The following MAGI2 variants were observed in gnomAD, a reference collection of about 807,000 sequenced individuals.
The protein encoded by MAGI2 is membrane-associated guanylate kinase, WW and PDZ domain-containing protein 2.
In MAGI2, 35 loss-of-function variants were observed where a neutral mutation model predicts 133.3. That is an observed-to-expected ratio of 0.26 (90% CI 0.20 to 0.35). The LOEUF is 0.35. Among genes scored for constraint, MAGI2 ranks in the 10% least tolerant of loss-of-function variants. The pLI, the probability that MAGI2 is intolerant of heterozygous loss-of-function variation, is 1.00. For synonymous variants in MAGI2, 729 were observed against 710.6 expected, an observed-to-expected ratio of 1.03 and a Z score of -0.41; for missense variants, 1,636 against 1,863.4, an observed-to-expected ratio of 0.88 and a Z score of 2.25.
At chr7:78,516,985 T>C (rs1041178689) in intron 4 of MAGI2, among the ~76,000 whole-genome samples, 1 of 152,162 alleles carries the variant, frequency 6.6e-6, no homozygotes, top group Non-Finnish European at 1.5e-5. Context: ...TTAAGTGAAA[T>C]GTGTTGCATT....
intron 2 of MAGI2, among the ~76,000 whole-genome samples, chr7:78,926,371 G>C (rs1799693027): frequency 6.6e-6 from 1 of 152,110 alleles, no homozygotes; most frequent in African/African-American, 2.4e-5. Context: ...TTCCTCCTGA[G>C]TTCAAAGAAT....
chr7:78,745,950 G>T (rs1351213052), intron 2 of MAGI2, among the ~76,000 whole-genome samples: 2 of 152,104 alleles, frequency 1.3e-5, no homozygotes, highest in African/African-American at 4.8e-5. Flanking sequence ...ATACTGTCTT[G>T]TCAGGAGTAA....
Position 78,125,724 on chromosome 7 carries a change from A to C in MAGI2, c.3537T>G (p.Asp1179Glu). Residue 1179 changes from aspartate (D) to glutamate (E), a missense_variant, in exon 20 of 22, where the codon GAT becomes GAG. Around this residue, in one of 5 missense-constraint regions of MAGI2, gnomAD observed 49 missense variants for 103.8 expected, o/e 0.47. Transcript: ENST00000354212. ...TCCTCCCATTCCTTATTGCTGGTCCATCTTCTGCCAGTCTCAACACATACA... is the reference window on the plus strand; with the variant it reads ...TCCTCCCATTCCTTATTGCTGGTCCCTCTTCTGCCAGTCTCAACACATACA... ...MDLYVLRLAE[D>E]GPAIRNGRMR... is the part of the protein sequence containing the mutation. 6.2e-7 allele frequency: 1 copy of C among 1,614,144 alleles called. No individual in the cohort carries two copies. The highest frequency in any genetic ancestry group is 8.5e-7 in the Non-Finnish European group (1 of 1,179,976).
At chr7:78,357,654 T>C (rs1792228011) in intron 7 of MAGI2, among the ~76,000 whole-genome samples, 1 of 152,194 alleles carries the variant, frequency 6.6e-6, no homozygotes, top group South Asian at 2.1e-4. Context: ...ACTCAACAAG[T>C]AGTGCTTAAT....
At chr7:79,127,894 T>C (rs1392259889) in intron 1 of MAGI2, among the ~76,000 whole-genome samples, 2 of 152,192 alleles carry the variant, frequency 1.3e-5, no homozygotes, top group South Asian at 4.1e-4. Flanking sequence ...TCCTGAATGG[T>C]ATTGCCTAGG....
intron 6 of MAGI2, among the ~76,000 whole-genome samples, chr7:78,477,242 T>TA (rs1261978127): frequency 6.6e-6 from 1 of 151,994 alleles, no homozygotes; most frequent in Non-Finnish European, 1.5e-5. Flanking sequence ...ATTTAGCACT[T>TA]ACAGAGATTG....
chr7:78,852,568 GGAGA>G (rs1793236579), intron 2 of MAGI2, among the ~76,000 whole-genome samples: 1 of 151,932 alleles, frequency 6.6e-6, no homozygotes, highest in Non-Finnish European at 1.5e-5. Flanking sequence ...TGTACAGAAG[GGAGA>G]GATTCAATTT....
At chr7:79,088,589 G>A (rs1186013933) in intron 1 of MAGI2, among the ~76,000 whole-genome samples, 1 of 152,030 alleles carries the variant, frequency 6.6e-6, no homozygotes, top group Non-Finnish European at 1.5e-5. Flanking sequence ...TCTTGTGCTG[G>A]TTTTCAAAGA....
intron 21 of MAGI2, among the ~76,000 whole-genome samples, chr7:78,044,704 TGCAC>T (rs1270707158): frequency 3.3e-5 from 4 of 121,166 alleles, no homozygotes; most frequent in Non-Finnish European, 3.5e-5. Flanking sequence ...TGTGTGTGTG[TGCAC>T]GTGTGCACAC....
intron 3 of MAGI2, among the ~76,000 whole-genome samples, chr7:78,608,246 C>T (rs1474755980): frequency 6.6e-6 from 1 of 151,906 alleles, no homozygotes; most frequent in Non-Finnish European, 1.5e-5. Context: ...ATAGCATAAC[C>T]CTTCAAATCA....
At chr7:78,945,826 A>G (rs1368475422) in intron 2 of MAGI2, among the ~76,000 whole-genome samples, 1 of 152,158 alleles carries the variant, frequency 6.6e-6, no homozygotes, top group Non-Finnish European at 1.5e-5. Flanking sequence ...AATAAACTCT[A>G]CATCCTCAAA....
At position 78,506,651 on chromosome 7, in the gene MAGI2, A is replaced by G. The variant is rs114555485; in HGVS notation, c.755-4864T>C. Among the ~76,000 whole-genome samples the G allele has an allele frequency of 8.7e-3, 1,324 of 152,352 alleles. 14 individuals are homozygous for G. Among genetic ancestry groups the G allele is most frequent in the African/African-American group, 0.031 (1,281 of 41,586 alleles). On this transcript the variant is annotated intron_variant, in intron 4 of 21. Transcript: ENST00000354212. ...GAAGACAAGACACTTAACTGTGGCC[A>G]AAGCTTCTGCACAGTCCAGCAAGAC... is the stretch of plus-strand genomic sequence containing the variant.
chr7:79,317,982 C>T (rs1199277000), intron 1 of MAGI2, among the ~76,000 whole-genome samples: 3 of 152,112 alleles, frequency 2.0e-5, no homozygotes, highest in Non-Finnish European at 2.9e-5. Flanking sequence ...ATTGATCACT[C>T]CCTCTGCCTC....
intron 6 of MAGI2, among the ~76,000 whole-genome samples, chr7:78,459,484 G>A (rs549316363): frequency 1.3e-5 from 2 of 152,142 alleles, no homozygotes; most frequent in African/African-American, 4.8e-5. Flanking sequence ...TAAGAGCAAA[G>A]GTATTTTCAA....
intron 2 of MAGI2, among the ~76,000 whole-genome samples, chr7:78,770,654 A>C (rs1369013325): frequency 1.3e-5 from 2 of 152,200 alleles, no homozygotes; most frequent in Non-Finnish European, 2.9e-5. Flanking sequence ...ATTAAACAAA[A>C]GCTCCGCAAA....
chr7:78,532,233 G>A (rs1797531316), intron 3 of MAGI2, among the ~76,000 whole-genome samples: 1 of 152,166 alleles, frequency 6.6e-6, no homozygotes, highest in South Asian at 2.1e-4. Flanking sequence ...AAGGACAACA[G>A]GTTTTCTTTT....
At chr7:78,175,629 G>C (rs1280009675) in intron 14 of MAGI2, among the ~76,000 whole-genome samples, 1 of 152,200 alleles carries the variant, frequency 6.6e-6, no homozygotes, top group Non-Finnish European at 1.5e-5. Context: ...CCCAGATTCA[G>C]AGCTAGTGTT....
chr7:78,275,737 CA>C (rs1334418119), intron 9 of MAGI2, among the ~76,000 whole-genome samples: 9 of 152,070 alleles, frequency 5.9e-5, no homozygotes. Flanking sequence ...TTCTAAAAGG[CA>C]GAAGAATTAT....
chr7:79,191,402 C>CTTTTTTTTT lies in MAGI2; in HGVS notation c.302-184205_302-184197dup, dbSNP rs71095386. Among the ~76,000 whole-genome samples, 185 of 22,326 alleles carry CTTTTTTTTT rather than the reference C, an allele frequency of 8.3e-3. 5 individuals are homozygous for CTTTTTTTTT. Among genetic ancestry groups the CTTTTTTTTT allele is most frequent in the Non-Finnish European group, 0.012 (133 of 10,642 alleles). 14.6% of individuals were successfully genotyped at this position (22,326 alleles called of 152,430 possible). ...TCTTTTTTTCTTTTTCTTTTTCTTT[C>CTTTTTTTTT]TTTTTTTTTTTTTTTTTTTTTTTTT... On this transcript the variant is annotated intron_variant, in intron 1 of 21. Transcript: ENST00000354212.
Sources: gnomAD v4.1 joint callset for allele counts (sites outside exome capture counted in the v4.1 genomes callset) on GRCh38, gnomAD v4.1.1 for gene constraint, gnomAD v4.1.1 regional missense constraint, MANE v1.5 for transcripts, NCBI Gene and HGNC (gene_info 2026-07-23, HGNC 2026-07-21) for gene names.